Variants in NOS1AP observed in about 807,000 individuals in gnomAD.
The protein encoded by NOS1AP is nitric oxide synthase 1 adaptor protein.
NOS1AP carries 21 observed loss-of-function variants against 56.2 expected under a neutral mutation model. The observed-to-expected ratio is 0.37, with a 90% confidence interval of 0.26 to 0.54. The LOEUF (loss-of-function observed/expected upper bound fraction) is 0.54, where lower values mean the gene tolerates loss of function less well. Ranked by LOEUF, NOS1AP falls within the 20% of genes least tolerant of loss-of-function variation. The pLI, the probability that NOS1AP is intolerant of heterozygous loss-of-function variation, is 0.84. For missense variants in NOS1AP, 522 were observed against 657.8 expected, an observed-to-expected ratio of 0.79 and a Z score of 2.26; for synonymous variants, 270 against 274.6, an observed-to-expected ratio of 0.98 and a Z score of 0.17.
intron 2 of NOS1AP, among the ~76,000 whole-genome samples, chr1:162,257,959 A>G (rs752071976): frequency 4.0e-5 from 6 of 151,830 alleles, no homozygotes; most frequent in Non-Finnish European, 5.9e-5. Context: ...TCAAGTGGAC[A>G]GATTTATTGC....
intron 1 of NOS1AP, among the ~76,000 whole-genome samples, chr1:162,104,543 C>G (rs1647424178): frequency 6.6e-6 from 1 of 150,734 alleles, no homozygotes; most frequent in African/African-American, 2.4e-5. Flanking sequence ...TTAAAGGTAC[C>G]CTACTCAGTC....
At chr1:162,145,873 C>T (rs1003665433) in intron 1 of NOS1AP, among the ~76,000 whole-genome samples, 3 of 152,156 alleles carry the variant, frequency 2.0e-5, no homozygotes, top group African/African-American at 7.2e-5. Context: ...GACCAGACTG[C>T]ATTTGGGACC....
At chr1:162,352,265 G>T (rs191646222) in intron 6 of NOS1AP, among the ~76,000 whole-genome samples, 19 of 152,152 alleles carry the variant, frequency 1.2e-4, no homozygotes, top group Admixed American at 9.8e-4. Context: ...CACCATGTTG[G>T]CCAGGCTTGT....
intron 1 of NOS1AP, among the ~76,000 whole-genome samples, chr1:162,085,483 C>T (rs1218912190): frequency 6.6e-6 from 1 of 152,052 alleles, no homozygotes; most frequent in Non-Finnish European, 1.5e-5. Flanking sequence ...TGGGGTCCTC[C>T]CCAAGTGGTG....
intron 2 of NOS1AP, among the ~76,000 whole-genome samples, chr1:162,162,759 C>T (rs2102112442): frequency 6.6e-6 from 1 of 152,202 alleles, no homozygotes; most frequent in Middle Eastern, 3.4e-3. Context: ...AATGATGTAA[C>T]AGACATCATT....
At chr1:162,153,767 T>G (rs578106439) in intron 1 of NOS1AP, among the ~76,000 whole-genome samples, 1 of 152,362 alleles carries the variant, frequency 6.6e-6, no homozygotes, top group South Asian at 2.1e-4. Flanking sequence ...GGGACTTTAT[T>G]CTTTTGTGCT....
At position 162,367,149 on chromosome 1, in the gene NOS1AP, G is replaced by A. The variant is rs771936541; in HGVS notation, c.1203G>A (p.Ser401=). The A allele has an allele frequency of 2.5e-6, 4 of 1,613,698 alleles. No homozygotes were observed. Among genetic ancestry groups the A allele is most frequent in the South Asian group, 2.2e-5 (2 of 91,074 alleles). Residue 401 remains serine (S), a synonymous_variant, in exon 10 of 10, where the codon TCG becomes TCA. Transcript: ENST00000361897. This position sits in a 1 kb window ranked among gnomAD's most constrained non-coding sequence, Gnocchi z 6.5. ...PTTPKPEDLH[S]PPLGAGLADF... is the part of the protein sequence containing the mutation. Reference sequence around the variant, plus strand: ...CCCCTAAGCCAGAGGACCTGCATTCGCCGCCGCTGGGCGCGGGCTTGGCTG... The same window carrying A: ...CCCCTAAGCCAGAGGACCTGCATTCACCGCCGCTGGGCGCGGGCTTGGCTG...
chr1:162,288,292 A>G (rs935837943), intron 3 of NOS1AP, among the ~76,000 whole-genome samples: 3 of 152,094 alleles, frequency 2.0e-5, no homozygotes, highest in South Asian at 2.1e-4. Context: ...ACATTTATTG[A>G]TGGTAGCACC....
chr1:162,221,530 G>A (rs74125997), intron 2 of NOS1AP, among the ~76,000 whole-genome samples: 7,746 of 62,492 alleles, frequency 0.12, 457 homozygotes, highest in African/African-American at 0.21. Flanking sequence ...GCACACACAC[G>A]CGCGCACACA....
chr1:162,259,040 A>C (rs2101702612), intron 2 of NOS1AP, among the ~76,000 whole-genome samples: 1 of 152,192 alleles, frequency 6.6e-6, no homozygotes, highest in East Asian at 1.9e-4. Context: ...ACCATTGCTG[A>C]GGGAGACTAG....
intron 4 of NOS1AP, among the ~76,000 whole-genome samples, chr1:162,324,068 CA>C (rs2101784326): frequency 6.6e-6 from 1 of 152,298 alleles, no homozygotes; most frequent in South Asian, 2.1e-4. Flanking sequence ...CAGCATACAC[CA>C]GTCAAACTAG....
intron 1 of NOS1AP, among the ~76,000 whole-genome samples, chr1:162,110,126 G>A (rs1338069758): frequency 6.6e-6 from 1 of 152,056 alleles, no homozygotes; most frequent in African/African-American, 2.4e-5. Context: ...CTTCCACTGC[G>A]CTGCATTCTA....
intron 1 of NOS1AP, among the ~76,000 whole-genome samples, chr1:162,130,020 G>C (rs1648679809): frequency 6.6e-6 from 1 of 152,184 alleles, no homozygotes; most frequent in African/African-American, 2.4e-5. Flanking sequence ...CTTTCACTAA[G>C]GGAGATGCTG....
chr1:162,295,130 A>G (rs1655414170), intron 3 of NOS1AP, among the ~76,000 whole-genome samples: 1 of 152,136 alleles, frequency 6.6e-6, no homozygotes, highest in African/African-American at 2.4e-5. Context: ...TTACCCCAGA[A>G]GGCACTCAGA....
At chr1:162,192,199 G>C (rs1651668942) in intron 2 of NOS1AP, among the ~76,000 whole-genome samples, 1 of 152,132 alleles carries the variant, frequency 6.6e-6, no homozygotes. Context: ...TGTTTGACAA[G>C]CCCTCCAGGT....
intron 3 of NOS1AP, among the ~76,000 whole-genome samples, chr1:162,290,272 A>G (rs1407308240): frequency 6.6e-6 from 1 of 152,198 alleles, no homozygotes; most frequent in Non-Finnish European, 1.5e-5. Context: ...ACCCACACTT[A>G]GTGTCCGTTC....
chr1:162,316,398 T>G lies in NOS1AP; in HGVS notation c.344+15692T>G, dbSNP rs1656229944. On this transcript the variant is annotated intron_variant, in intron 4 of 9. Coordinates refer to ENST00000361897, the MANE Select transcript of NOS1AP (RefSeq NM_014697.3). ...TGTGGGTTTAACCACTAAGCAAAGC[T>G]GCCTTTGAAAATGCACACCCTCCTT... Among the ~76,000 whole-genome samples the G allele has an allele frequency of 1.3e-5, 2 of 152,244 alleles. 1 individual carries two copies. Among genetic ancestry groups the G allele is most frequent in the African/African-American group, 4.8e-5 (2 of 41,466 alleles).
chr1:162,238,895 TA>T (rs1653391186), intron 2 of NOS1AP, among the ~76,000 whole-genome samples: 1 of 152,212 alleles, frequency 6.6e-6, no homozygotes, highest in Non-Finnish European at 1.5e-5. Flanking sequence ...TCTAAGTTCT[TA>T]ATCCACTTGG....
chr1:162,185,705 T>C (rs897749394), intron 2 of NOS1AP, among the ~76,000 whole-genome samples: 4 of 152,248 alleles, frequency 2.6e-5, no homozygotes, highest in Admixed American at 6.5e-5. Flanking sequence ...TAATGCAGTT[T>C]CTAAAGTTGC....
Sources: gnomAD v4.1 joint callset for allele counts (sites outside exome capture counted in the v4.1 genomes callset) on GRCh38, gnomAD v4.1.1 for gene constraint, Gnocchi (gnomAD v3.1) non-coding constraint, MANE v1.5 for transcripts, NCBI Gene and HGNC (gene_info 2026-07-23, HGNC 2026-07-21) for gene names.